The following PTPRD variants were observed in gnomAD, a reference collection of about 807,000 sequenced individuals.
PTPRD encodes the protein protein tyrosine phosphatase receptor type D, also known as receptor-type tyrosine-protein phosphatase delta.
PTPRD carries 34 observed loss-of-function variants against 214.5 expected under a neutral mutation model. The observed-to-expected ratio is 0.16, with a 90% CI of 0.12 to 0.21. PTPRD has a LOEUF of 0.21. PTPRD is among the 10% of genes least tolerant of loss of function. PTPRD has a pLI of 1.00. For missense variants in PTPRD, 2,545 were observed against 2,398.7 expected (o/e 1.06, Z -1.27); for synonymous variants, 1,128 against 845.7 (o/e 1.33, Z -5.79).
chr9:8,936,209 G>C (rs2098995728), intron 11 of PTPRD: 1 of 152,032 alleles, frequency 6.6e-6, no homozygotes, highest in Non-Finnish European at 1.5e-5. Flanking sequence ...TCAGGGGTTT[G>C]AGACCAGCCT....
intron 9 of PTPRD, among the ~76,000 whole-genome samples, chr9:9,281,488 T>G (rs1332943035): frequency 6.6e-6 from 1 of 151,372 alleles, no homozygotes; most frequent in African/African-American, 2.4e-5. Context: ...AATAGATATA[T>G]GAAAAATCTT....
chr9:10,372,892 C>G (rs995462706), intron 2 of PTPRD, among the ~76,000 whole-genome samples: 1 of 150,136 alleles, frequency 6.7e-6, no homozygotes, highest in Non-Finnish European at 1.5e-5. Context: ...CTCTATCACC[C>G]AGGTTGGAGT....
At chr9:9,290,899 A>G (rs1950947367) in intron 9 of PTPRD, among the ~76,000 whole-genome samples, 1 of 151,636 alleles carries the variant, frequency 6.6e-6, no homozygotes, top group East Asian at 2.0e-4. Flanking sequence ...AGTCTTTGCT[A>G]TCAGTGAGAT....
chr9:10,175,535 G>A (rs943435088), intron 3 of PTPRD, among the ~76,000 whole-genome samples: 1 of 151,946 alleles, frequency 6.6e-6, no homozygotes, highest in Non-Finnish European at 1.5e-5. Context: ...GAAAGTGATG[G>A]CCTAAGATTT....
At chr9:9,310,704 G>T (rs1226005309) in intron 9 of PTPRD, among the ~76,000 whole-genome samples, 3 of 152,038 alleles carry the variant, frequency 2.0e-5, no homozygotes, top group African/African-American at 7.2e-5. Context: ...GATCACCTGA[G>T]GTTGGAAGTT....
rs1821582075 is a variant in PTPRD at position 8,316,109 on chromosome 9, TTGA to T, written c.*1762_*1764del. The T allele has an allele frequency of 8.7e-6, 2 of 229,626 alleles. No homozygotes were observed. Among genetic ancestry groups the T allele is most frequent in the African/African-American group, 2.2e-5 (1 of 45,088 alleles). The allele number at this position is 229,626 out of a possible 1,614,324, so 14.2% of individuals were successfully genotyped here. A position where few individuals can be genotyped will look rare whatever the true frequency, so the allele number is the denominator to read the frequency against. ...ATAAAACAAGTAGCTTTTTCTGATGTTGATGATTGATTATAAAAGGAAGAAGGG... is the reference window on the plus strand; with the variant it reads ...ATAAAACAAGTAGCTTTTTCTGATGTTGATTGATTATAAAAGGAAGAAGGG... On this transcript the variant is annotated 3_prime_UTR_variant, in exon 46 of 46. Coordinates refer to ENST00000381196, the MANE Select transcript of PTPRD (RefSeq NM_002839.4).
chr9:10,246,501 A>G (rs2154366227), intron 3 of PTPRD, among the ~76,000 whole-genome samples: 1 of 152,276 alleles, frequency 6.6e-6, no homozygotes, highest in East Asian at 1.9e-4. Context: ...CCCTTGGGGT[A>G]CCAAAGTCCT....
At chr9:10,597,918 G>A (rs116535174) in intron 2 of PTPRD, among the ~76,000 whole-genome samples, 1,765 of 151,840 alleles carry the variant, frequency 0.012, 29 homozygotes, top group African/African-American at 0.039. Context: ...ATCGCATTTT[G>A]ATTATCTGGA....
intron 3 of PTPRD, among the ~76,000 whole-genome samples, chr9:10,053,953 T>C (rs536495883): frequency 3.9e-5 from 6 of 152,012 alleles, no homozygotes; most frequent in Non-Finnish European, 7.4e-5. Context: ...AAGACGAGGT[T>C]TCATCATGTT....
chr9:9,954,304 A>AAAAAAAAAAAC, intron 4 of PTPRD, among the ~76,000 whole-genome samples: 1 of 145,734 alleles, frequency 6.9e-6, no homozygotes, highest in Non-Finnish European at 1.5e-5. Flanking sequence ...AAACAAAAAA[A>AAAAAAAAAAAC]AAAAAAAAAA....
intron 11 of PTPRD, among the ~76,000 whole-genome samples, chr9:8,946,877 C>T (rs574770423): frequency 2.6e-4 from 40 of 151,536 alleles, no homozygotes; most frequent in Middle Eastern, 3.4e-3. Flanking sequence ...TTTCTTAAGT[C>T]TCTCTCTTTT....
chr9:9,593,603 G>C (rs993245627), intron 7 of PTPRD, among the ~76,000 whole-genome samples: 13 of 151,972 alleles, frequency 8.6e-5, no homozygotes, highest in Admixed American at 5.9e-4. Context: ...GTGAAGGAAT[G>C]TGGAGGCAGC....
intron 9 of PTPRD, among the ~76,000 whole-genome samples, chr9:9,315,869 G>T (rs1198218989): frequency 7.7e-6 from 1 of 129,938 alleles, no homozygotes; most frequent in Non-Finnish European, 1.6e-5. Context: ...CTACATGTGA[G>T]ATGCTAAAAA....
chr9:10,154,210 T>A (rs192928675), intron 3 of PTPRD, among the ~76,000 whole-genome samples: 1 of 152,332 alleles, frequency 6.6e-6, no homozygotes, highest in Admixed American at 6.5e-5. Context: ...AATTTGCATT[T>A]CACTAATAAT....
chr9:9,388,703 T>A (rs1350897058), intron 9 of PTPRD, among the ~76,000 whole-genome samples: 1 of 152,110 alleles, frequency 6.6e-6, no homozygotes, highest in Non-Finnish European at 1.5e-5. Flanking sequence ...CATAAAAAAA[T>A]TAAATAAAAA....
At chr9:9,679,752 A>C (rs1479300861) in intron 7 of PTPRD, among the ~76,000 whole-genome samples, 1 of 151,904 alleles carries the variant, frequency 6.6e-6, no homozygotes, top group African/African-American at 2.4e-5. Context: ...CAAAATCATG[A>C]AGGCCTGATT....
intron 3 of PTPRD, among the ~76,000 whole-genome samples, chr9:10,241,408 T>C (rs1412494070): frequency 1.3e-5 from 2 of 151,970 alleles, no homozygotes; most frequent in African/African-American, 4.8e-5. Context: ...TAAACGTTCA[T>C]AGAAGCTTTG....
chr9:9,402,970 A>C (rs1359546786), intron 8 of PTPRD, among the ~76,000 whole-genome samples: 21 of 145,142 alleles, frequency 1.4e-4, no homozygotes, highest in African/African-American at 2.8e-4. Context: ...TAGGGAGAAA[A>C]AAAAAAAAAA....
At chr9:9,812,342 T>C (rs998003594) in intron 5 of PTPRD, among the ~76,000 whole-genome samples, 6 of 151,890 alleles carry the variant, frequency 4.0e-5, no homozygotes, top group Non-Finnish European at 8.8e-5. Flanking sequence ...GCTTTAATTG[T>C]AAACAGATGA....
Sources: allele counts gnomAD v4.1 joint callset (sites outside exome capture counted in the v4.1 genomes callset), GRCh38; gene constraint gnomAD v4.1.1; transcripts MANE v1.5; gene names NCBI Gene and HGNC (gene_info 2026-07-23, HGNC 2026-07-21).